DAPK1: variants seen among roughly 807,000 people sequenced by gnomAD.
The protein encoded by DAPK1 is death-associated protein kinase 1.
DAPK1 carries 56 observed loss-of-function variants against 144.9 expected under a neutral mutation model. The observed-to-expected ratio is 0.39, with a 90% CI of 0.31 to 0.48. The LOEUF (loss-of-function observed/expected upper bound fraction) is 0.48, where lower values mean the gene tolerates loss of function less well. DAPK1 is among the 20% of genes least tolerant of loss of function. The pLI is 0.95. For missense variants in DAPK1, 1,454 were observed against 1,875.4 expected (o/e 0.78, Z 4.15); for synonymous variants, 690 against 749.0 (o/e 0.92, Z 1.29).
intron 2 of DAPK1, among the ~76,000 whole-genome samples, chr9:87,558,355 G>A (rs1365264418): frequency 6.6e-6 from 1 of 152,132 alleles, no homozygotes; most frequent in Non-Finnish European, 1.5e-5. Flanking sequence ...GCACCCCTGA[G>A]GATATACCCA....
At chr9:87,549,793 T>C (rs1826404914) in intron 2 of DAPK1, among the ~76,000 whole-genome samples, 1 of 152,224 alleles carries the variant, frequency 6.6e-6, no homozygotes, top group African/African-American at 2.4e-5. Flanking sequence ...CATTTTGTTA[T>C]GAAAAATTTC....
At chr9:87,580,134 T>C (rs1827700382) in intron 2 of DAPK1, among the ~76,000 whole-genome samples, 1 of 152,186 alleles carries the variant, frequency 6.6e-6, no homozygotes, top group African/African-American at 2.4e-5. Flanking sequence ...TTACAGCAGA[T>C]AAAGCAGTTG....
At chr9:87,651,487 C>G in intron 16 of DAPK1, 40 bp from the exon 17 acceptor site, 1 of 1,603,964 alleles carries the variant, frequency 6.2e-7, no homozygotes, top group Non-Finnish European at 8.5e-7. Flanking sequence ...GCCACATGCC[C>G]AAGTGAAAAG....
intron 2 of DAPK1, among the ~76,000 whole-genome samples, chr9:87,529,705 C>T (rs562029088): frequency 2.0e-5 from 3 of 152,342 alleles, no homozygotes; most frequent in African/African-American, 7.2e-5. Context: ...GTGCCTTTAT[C>T]TGCAAGGACC....
intron 3 of DAPK1, among the ~76,000 whole-genome samples, chr9:87,633,944 A>G (rs1587792526): frequency 6.6e-6 from 1 of 152,184 alleles, no homozygotes; most frequent in Non-Finnish European, 1.5e-5. Flanking sequence ...AGGGGGCAGG[A>G]ATGGGTTTAG....
chr9:87,502,517 T>C (rs185071064), intron 2 of DAPK1, among the ~76,000 whole-genome samples: 1 of 152,302 alleles, frequency 6.6e-6, no homozygotes, highest in Admixed American at 6.5e-5. Context: ...CTTGCCCCAT[T>C]GTCGGGCTCT....
intron 2 of DAPK1, among the ~76,000 whole-genome samples, chr9:87,568,055 C>A (rs983837126): frequency 1.2e-4 from 18 of 152,256 alleles, no homozygotes; most frequent in Non-Finnish European, 1.9e-4. Context: ...AAAGCTGTCA[C>A]CAGCTCTGCC....
In DAPK1 at chr9:87,498,020, C is replaced by T. The variant is rs1564110222; in HGVS notation, c.-196C>T. The T allele has an allele frequency of 2.5e-6, 1 of 397,800 alleles. No homozygotes were observed. The highest frequency in any genetic ancestry group is 4.4e-6 in the Non-Finnish European group (1 of 225,680). The allele number at this position is 397,800 out of a possible 1,614,324, so 24.6% of individuals were successfully genotyped here. ...ACTCACTCCCTAGCTGTGTTCCCGC[C>T]GCCGCCCCGGCTAGTCTCCGGCGCT... On this transcript the variant is annotated 5_prime_UTR_variant, in exon 1 of 26. Coordinates refer to ENST00000408954, the MANE Select transcript of DAPK1 (RefSeq NM_004938.4).
At chr9:87,673,246 A>T (rs936209430) in intron 19 of DAPK1, among the ~76,000 whole-genome samples, 1 of 152,172 alleles carries the variant, frequency 6.6e-6, no homozygotes, top group African/African-American at 2.4e-5. Context: ...CTGCAGGTTG[A>T]TCCAAAGCGC....
chr9:87,642,936 T>G (rs1366052694), intron 10 of DAPK1, among the ~76,000 whole-genome samples: 2 of 152,130 alleles, frequency 1.3e-5, no homozygotes, highest in African/African-American at 4.8e-5. Context: ...AGCTGTTGCG[T>G]TTTGGTTATC....
At chr9:87,640,962 G>C (rs892427547) in intron 9 of DAPK1, 115 bp downstream of exon 9, 1 of 1,016,580 alleles carries the variant, frequency 9.8e-7, no homozygotes, top group African/African-American at 1.6e-5. Context: ...GGAGTGTTAA[G>C]TTTGCTATTT....
At position 87,706,668 on chromosome 9, in the gene DAPK1, C is replaced by T. The variant is rs3118863; in HGVS notation, c.3597C>T (p.Arg1199=). 696,272 of 1,610,102 alleles carry T rather than the reference C, an allele frequency of 0.43. 154,383 individuals carry two copies. Among genetic ancestry groups the T allele is most frequent in the Middle Eastern group, 0.5 (3,009 of 6,060 alleles). Reference sequence around the variant, plus strand: ...GCCAGGGCATTGAGGTCCAGGTCCGCGGCCTGGAGACGGAGAAGATCAAGT... The same window carrying T: ...GCCAGGGCATTGAGGTCCAGGTCCGTGGCCTGGAGACGGAGAAGATCAAGT... The part of the protein sequence containing the change: ...NHGQGIEVQV[R]GLETEKIKCC... Residue 1199 remains arginine, a synonymous_variant, in exon 26 of 26, where the codon CGC becomes CGT. Transcript: ENST00000408954. The surrounding 1 kb of genome is among the most constrained non-coding windows in gnomAD (Gnocchi z 9.0).
In DAPK1 at chr9:87,534,258, G is replaced by GTTT. The variant is rs5899004; in HGVS notation, c.62+35128_62+35130dup. Among the ~76,000 whole-genome samples, 114 of 145,596 alleles carry GTTT rather than the reference G, an allele frequency of 7.8e-4. 2 individuals carry two copies. The highest frequency in any genetic ancestry group is 1.1e-3 in the South Asian group (5 of 4,624). ...GCTCATTTTGACAGTTTTTTTTTTT[G>GTTT]TTTTTTTTTTTAACGCTGCCATGCT... On this transcript the variant is annotated intron_variant, in intron 2 of 25. Coordinates refer to ENST00000408954, the MANE Select transcript of DAPK1 (RefSeq NM_004938.4).
intron 2 of DAPK1, among the ~76,000 whole-genome samples, chr9:87,530,354 A>G (rs927073144): frequency 1.3e-5 from 2 of 152,202 alleles, no homozygotes; most frequent in Non-Finnish European, 2.9e-5. Flanking sequence ...CAGTTCCTAC[A>G]TCTAGCCCTC....
intron 3 of DAPK1, chr9:87,632,355 G>C: frequency 1.0e-6 from 1 of 983,954 alleles, no homozygotes; most frequent in Non-Finnish European, 1.2e-6. Context: ...TACATATGTA[G>C]GGATGAAGGA....
At chr9:87,575,601 T>G (rs895343150) in intron 2 of DAPK1, among the ~76,000 whole-genome samples, 1 of 151,918 alleles carries the variant, frequency 6.6e-6, no homozygotes, top group Non-Finnish European at 1.5e-5. Flanking sequence ...ATTTGAGGAG[T>G]GGCATCAATA....
chr9:87,681,877 T>G, intron 20 of DAPK1: 1 of 554,186 alleles, frequency 1.8e-6, no homozygotes, highest in Non-Finnish European at 3.2e-6. Flanking sequence ...GACACAAAGG[T>G]CCATCCTCAT....
chr9:87,516,538 T>A (rs1474987993), intron 2 of DAPK1, among the ~76,000 whole-genome samples: 1 of 152,170 alleles, frequency 6.6e-6, no homozygotes, highest in Non-Finnish European at 1.5e-5. Context: ...AACTGCCTAA[T>A]AGCTGTGATT....
chr9:87,596,299 G>A (rs1477778464), intron 2 of DAPK1, among the ~76,000 whole-genome samples: 3 of 152,190 alleles, frequency 2.0e-5, no homozygotes, highest in Non-Finnish European at 4.4e-5. Context: ...CCAGGCAGGA[G>A]GAAGATTAGG....
Sources: allele counts gnomAD v4.1 joint callset (sites outside exome capture counted in the v4.1 genomes callset), GRCh38; gene constraint gnomAD v4.1.1; non-coding constraint Gnocchi (gnomAD v3.1); transcripts MANE v1.5; gene names NCBI Gene and HGNC (gene_info 2026-07-23, HGNC 2026-07-21).